Variants in ARMC8 observed in about 807,000 individuals in gnomAD.
ARMC8 encodes armadillo repeat containing 8.
A neutral mutation model predicts 99.3 loss-of-function variants in ARMC8; 20 were observed. The observed-to-expected ratio is 0.20, with a 90% CI of 0.14 to 0.29. ARMC8 has a LOEUF of 0.29. ARMC8 is among the 10% of genes least tolerant of loss of function. The pLI, the probability that ARMC8 is intolerant of heterozygous loss-of-function variation, is 1.00. For missense variants in ARMC8, 569 were observed against 809.5 expected (o/e 0.70, Z 3.60); for synonymous variants, 263 against 278.3 (o/e 0.95, Z 0.55).
At chr3:138,222,660 G>A (rs951337274) in intron 3 of ARMC8, among the ~76,000 whole-genome samples, 5 of 151,726 alleles carry the variant, frequency 3.3e-5, no homozygotes, top group African/African-American at 1.2e-4. Flanking sequence ...AGAATTAATG[G>A]TTTAAGTGTT....
At position 138,253,706 on chromosome 3, in the gene ARMC8, A is replaced by G. The variant is rs115162219; in HGVS notation, c.1134+8523A>G. ...ATGAGATGCTTTAATCCATCTGTACACTCATCATGTAACATTGATGTATGC... is the reference window on the plus strand; with the variant it reads ...ATGAGATGCTTTAATCCATCTGTACGCTCATCATGTAACATTGATGTATGC... On this transcript the variant is annotated intron_variant, in intron 12 of 21. Transcript: ENST00000469044. 9.1e-3 allele frequency among the ~76,000 whole-genome samples: 1,388 copies of G among 152,314 alleles called. 29 individuals carry two copies. Among genetic ancestry groups the G allele is most frequent in the African/African-American group, 0.032 (1,327 of 41,556 alleles).
chr3:138,198,764 G>A (rs2043884153), intron 1 of ARMC8, among the ~76,000 whole-genome samples: 1 of 151,856 alleles, frequency 6.6e-6, no homozygotes, highest in East Asian at 1.9e-4. Flanking sequence ...CCCCTGCTTC[G>A]GCCTCCCAAA....
At chr3:138,193,034 T>A (rs1177627979) in intron 1 of ARMC8, among the ~76,000 whole-genome samples, 1 of 152,150 alleles carries the variant, frequency 6.6e-6, no homozygotes, top group Admixed American at 6.6e-5. Flanking sequence ...AATGGCCTGG[T>A]CTCAACTTAC....
In ARMC8 at chr3:138,239,449, T is replaced by C; in HGVS notation, c.777-19T>C. ...TTTAAACTCCAAGCAAAAACTTATT[T>C]TCTGCTGTCTTATTCCAGTTTAACT... is the stretch of plus-strand genomic sequence containing the variant. On this transcript the variant is annotated intron_variant, in intron 9 of 21. Coordinates refer to ENST00000469044, the MANE Select transcript of ARMC8 (RefSeq NM_001363941.2). 1 of 1,577,184 alleles carries C rather than the reference T, an allele frequency of 6.3e-7. No homozygotes were observed. Among genetic ancestry groups the C allele is most frequent in the East Asian group, 2.3e-5 (1 of 43,854 alleles).
At chr3:138,262,584 C>T in intron 12 of ARMC8, 1 of 1,597,128 alleles carries the variant, frequency 6.3e-7, no homozygotes. Context: ...GTACTGGACT[C>T]ACCTGAGGAG....
At chr3:138,242,096 G>T (rs1559978303) in intron 11 of ARMC8, 113 bp downstream of exon 11, 2 of 795,090 alleles carry the variant, frequency 2.5e-6, no homozygotes, top group Non-Finnish European at 4.0e-6. Context: ...TTAAATAAAG[G>T]TTCTTTTATC....
At chr3:138,219,701 G>A (rs1352723746) in intron 2 of ARMC8, among the ~76,000 whole-genome samples, 2 of 152,232 alleles carry the variant, frequency 1.3e-5, no homozygotes, top group East Asian at 3.9e-4. Context: ...TCTAGCACAG[G>A]TATATTTACT....
At chr3:138,224,264 C>T (rs1162169254) in intron 5 of ARMC8, among the ~76,000 whole-genome samples, 6 of 151,984 alleles carry the variant, frequency 3.9e-5, no homozygotes, top group African/African-American at 1.5e-4. Flanking sequence ...GACAACAAGA[C>T]TCCATCTCTA....
chr3:138,273,595 G>T (rs1369028649), intron 17 of ARMC8, among the ~76,000 whole-genome samples: 2 of 152,248 alleles, frequency 1.3e-5, no homozygotes, highest in Middle Eastern at 6.8e-3. Context: ...CAGAGTAGGA[G>T]AGGCTGAGCC....
At chr3:138,215,052 G>T (rs2044933194) in intron 2 of ARMC8, among the ~76,000 whole-genome samples, 1 of 152,156 alleles carries the variant, frequency 6.6e-6, no homozygotes, top group Admixed American at 6.5e-5. Context: ...TATATATTCT[G>T]AGAGAATTTG....
At chr3:138,207,750 A>G (rs1462824773) in intron 1 of ARMC8, among the ~76,000 whole-genome samples, 1 of 152,158 alleles carries the variant, frequency 6.6e-6, no homozygotes, top group Non-Finnish European at 1.5e-5. Context: ...ACATTTGAAG[A>G]TCTGACAAAT....
At chr3:138,280,497 C>CTTTTT (rs1039909334) in intron 18 of ARMC8, among the ~76,000 whole-genome samples, 2 of 107,104 alleles carry the variant, frequency 1.9e-5, no homozygotes, top group Non-Finnish European at 4.0e-5. Flanking sequence ...TCTTTTTTTT[C>CTTTTT]TTTTTTTTTT....
intron 2 of ARMC8, among the ~76,000 whole-genome samples, chr3:138,217,914 T>G (rs1383727823): frequency 3.9e-5 from 6 of 152,354 alleles, no homozygotes; most frequent in Non-Finnish European, 7.4e-5. Context: ...TTTTTGTACC[T>G]ATTAAATCAT....
intron 6 of ARMC8, among the ~76,000 whole-genome samples, chr3:138,231,734 A>G (rs546229181): frequency 6.6e-6 from 1 of 151,944 alleles, no homozygotes; most frequent in African/African-American, 2.4e-5. Context: ...CCTTGAGCTC[A>G]GAAGTTCAAG....
chr3:138,279,707 G>A (rs2049686813), intron 18 of ARMC8, among the ~76,000 whole-genome samples: 1 of 152,154 alleles, frequency 6.6e-6, no homozygotes, highest in South Asian at 2.1e-4. Flanking sequence ...TACAAATTCA[G>A]ATTTTTTAAT....
rs1229422864 is a variant in ARMC8, at chr3:138,187,511, G to A, written c.-44G>A. 2.0e-6 allele frequency: 3 copies of A among 1,534,294 alleles called. No homozygotes were observed. Among genetic ancestry groups the A allele is most frequent in the African/African-American group, 2.7e-5 (2 of 73,002 alleles). On this transcript the variant is annotated 5_prime_UTR_variant, in exon 1 of 22. Transcript: ENST00000469044. ...CAATAGTTGGCTGTCGAAAGTGCCGGCCCCCGCGCCGGCGCCTGCAGCAGC... is the reference window on the plus strand; with the variant it reads ...CAATAGTTGGCTGTCGAAAGTGCCGACCCCCGCGCCGGCGCCTGCAGCAGC...
intron 18 of ARMC8, among the ~76,000 whole-genome samples, chr3:138,282,726 A>G (rs1254395502): frequency 1.3e-5 from 2 of 152,028 alleles, no homozygotes; most frequent in Non-Finnish European, 2.9e-5. Flanking sequence ...GAAAGCAACG[A>G]TAATTCACTT....
intron 12 of ARMC8, among the ~76,000 whole-genome samples, chr3:138,253,263 C>T (rs1337679420): frequency 6.6e-6 from 1 of 152,110 alleles, no homozygotes; most frequent in African/African-American, 2.4e-5. Flanking sequence ...ATAACTACTA[C>T]CATTTGTTGA....
chr3:138,230,405 C>T (rs528446341), intron 6 of ARMC8, among the ~76,000 whole-genome samples: 35 of 152,274 alleles, frequency 2.3e-4, no homozygotes, highest in African/African-American at 7.7e-4. Context: ...AATCTCAGCA[C>T]TTTGAGAGGC....
Sources: gnomAD v4.1 joint callset for allele counts (sites outside exome capture counted in the v4.1 genomes callset) on GRCh38, gnomAD v4.1.1 for gene constraint, MANE v1.5 for transcripts, NCBI Gene and HGNC (gene_info 2026-07-23, HGNC 2026-07-21) for gene names.